The following ABTB3 variants were observed in gnomAD, a reference collection of about 807,000 sequenced individuals.
ABTB3 encodes the protein ankyrin repeat- and BTB/POZ domain-containing protein 3.
chr12:107,417,250 T>C, the ABTB3 span, among the ~76,000 whole-genome samples: 1 of 152,280 alleles, frequency 6.6e-6, no homozygotes, highest in African/African-American at 2.4e-5. Context: ...CCTTGGGACC[T>C]GTGTTAGTAT....
the ABTB3 span, among the ~76,000 whole-genome samples, chr12:107,465,338 G>A: frequency 1.3e-5 from 2 of 152,066 alleles, no homozygotes; most frequent in Non-Finnish European, 2.9e-5. Context: ...TGCCTTCCTA[G>A]GCAGACCAGC....
At chr12:107,581,713 A>G in the ABTB3 span, among the ~76,000 whole-genome samples, 1 of 152,050 alleles carries the variant, frequency 6.6e-6, no homozygotes, top group Non-Finnish European at 1.5e-5. Context: ...TTGCGTGAGG[A>G]TGGAGTGGTC....
chr12:107,537,816 G>A, the ABTB3 span, among the ~76,000 whole-genome samples: 82 of 152,222 alleles, frequency 5.4e-4, no homozygotes, highest in Middle Eastern at 0.014. Context: ...CTGCAAGTTC[G>A]TCCCGCAGTT....
chr12:107,522,404 C>A, the ABTB3 span, among the ~76,000 whole-genome samples: 1 of 151,936 alleles, frequency 6.6e-6, no homozygotes, highest in East Asian at 1.9e-4. Context: ...TACAATTTAC[C>A]TTTGTAGAGC....
chr12:107,516,031 G>C, the ABTB3 span, among the ~76,000 whole-genome samples: 1 of 129,912 alleles, frequency 7.7e-6, no homozygotes, highest in Non-Finnish European at 1.6e-5. Flanking sequence ...GAGTGTGTGT[G>C]TGCATGTGTG....
the ABTB3 span, among the ~76,000 whole-genome samples, chr12:107,580,100 CT>C: frequency 6.6e-5 from 10 of 152,188 alleles, no homozygotes; most frequent in East Asian, 5.8e-4. Context: ...GGTACCTCCC[CT>C]GATCTATGGA....
chr12:107,579,707 T>C, the ABTB3 span, among the ~76,000 whole-genome samples: 1 of 152,216 alleles, frequency 6.6e-6, no homozygotes, highest in Non-Finnish European at 1.5e-5. Flanking sequence ...ATGGTGGCCA[T>C]GCTGGACTGA....
the ABTB3 span, among the ~76,000 whole-genome samples, chr12:107,507,675 G>A: frequency 6.6e-6 from 1 of 152,132 alleles, no homozygotes; most frequent in Admixed American, 6.5e-5. Flanking sequence ...GCCAGCCACG[G>A]CCAACTTCTT....
the ABTB3 span, among the ~76,000 whole-genome samples, chr12:107,552,597 A>G: frequency 6.6e-6 from 1 of 152,206 alleles, no homozygotes; most frequent in African/African-American, 2.4e-5. Flanking sequence ...TGGACATGAA[A>G]TTTAGTCAAA....
At chr12:107,658,490 C>T in the ABTB3 span, 2 of 152,520 alleles carry the variant, frequency 1.3e-5, no homozygotes, top group African/African-American at 2.4e-5. Flanking sequence ...ATCTCTAATT[C>T]AATAGTTGAA....
the ABTB3 span, among the ~76,000 whole-genome samples, chr12:107,421,832 C>G: frequency 1.3e-5 from 2 of 152,130 alleles, no homozygotes; most frequent in African/African-American, 4.8e-5. Flanking sequence ...AGAAAGGCCT[C>G]CATTTGCCCA....
chr12:107,614,245 TG>T, the ABTB3 span, among the ~76,000 whole-genome samples: 1 of 152,192 alleles, frequency 6.6e-6, no homozygotes, highest in Non-Finnish European at 1.5e-5. Context: ...TCTCTTGGCC[TG>T]GAGTGTTTTT....
At chr12:107,458,386 G>T in the ABTB3 span, among the ~76,000 whole-genome samples, 3 of 152,182 alleles carry the variant, frequency 2.0e-5, no homozygotes, top group Admixed American at 6.5e-5. Flanking sequence ...CAATGCCAAG[G>T]TCCATGCCTC....
the ABTB3 span, chr12:107,319,564 C>T: frequency 6.5e-7 from 1 of 1,543,982 alleles, no homozygotes. Context: ...CCCGCTGCGG[C>T]CTCACCTTCT....
the ABTB3 span, among the ~76,000 whole-genome samples, chr12:107,348,284 TACAC>T: frequency 6.6e-6 from 1 of 151,966 alleles, no homozygotes; most frequent in African/African-American, 2.4e-5. Flanking sequence ...TACTCATATC[TACAC>T]ACACACACGC....
chr12:107,318,761 A>G, the ABTB3 span: 1 of 678,090 alleles, frequency 1.5e-6, no homozygotes, highest in Admixed American at 2.9e-5. Flanking sequence ...TGCTCTGTAT[A>G]TTCCAGCGGC....
chr12:107,559,447 G>GCCCAGCATGA, the ABTB3 span, among the ~76,000 whole-genome samples: 237 of 152,150 alleles, frequency 1.6e-3, 1 homozygote, highest in African/African-American at 5.3e-3. Flanking sequence ...GCCCAGCATG[G>GCCCAGCATGA]CAGGAACCAA....
chr12:107,559,839 G>A, the ABTB3 span, among the ~76,000 whole-genome samples: 1 of 144,672 alleles, frequency 6.9e-6, no homozygotes, highest in Non-Finnish European at 1.5e-5. Context: ...ACAATAAAAG[G>A]TGCTATGAAT....
chr12:107,530,636 A>G, the ABTB3 span, among the ~76,000 whole-genome samples: 1 of 152,244 alleles, frequency 6.6e-6, no homozygotes, highest in Non-Finnish European at 1.5e-5. Flanking sequence ...ACATTTTAAT[A>G]TGAGGATTCT....
Sources: allele counts gnomAD v4.1 joint callset (sites outside exome capture counted in the v4.1 genomes callset), GRCh38; gene constraint gnomAD v4.1.1; transcripts MANE v1.5; gene names NCBI Gene and HGNC (gene_info 2026-07-23, HGNC 2026-07-21).